Variants in KIF1C observed in about 807,000 individuals in gnomAD.
KIF1C encodes the protein kinesin-like protein KIF1C.
In KIF1C, 61 loss-of-function variants were observed where a neutral mutation model predicts 126.5. The ratio of observed to expected loss-of-function variants is 0.48; its 90% CI spans 0.39 to 0.60. The LOEUF (loss-of-function observed/expected upper bound fraction) is 0.60. Ranked by LOEUF, KIF1C falls within the 20% of genes least tolerant of loss-of-function variation. KIF1C has a pLI of 0.00. For synonymous variants in KIF1C, 640 were observed against 580.6 expected (o/e 1.10, Z -1.47); for missense variants, 1,315 against 1,489.2 (o/e 0.88, Z 1.93).
At chr17:5,004,146 C>T in intron 11 of KIF1C, 73 bp downstream of exon 11, 2 of 1,086,318 alleles carry the variant, frequency 1.8e-6, no homozygotes, top group Admixed American at 1.7e-5. Context: ...CTGACAAATC[C>T]CCTTGCTATG....
chr17:5,012,101 C>G (rs947158378), intron 16 of KIF1C: 1 of 152,224 alleles, frequency 6.6e-6, no homozygotes, highest in Non-Finnish European at 1.5e-5. Context: ...CCGTTTCCCA[C>G]TTGTAATGGT....
Position 5,006,904 on chromosome 17 carries a change from C to T in KIF1C, c.1166-11C>T. On this transcript the variant is annotated splice_polypyrimidine_tract_variant and intron_variant, in intron 13 of 22. Coordinates refer to ENST00000320785, the MANE Select transcript of KIF1C (RefSeq NM_006612.6). Reference sequence around the variant, plus strand: ...CTTAGCCTCATTCTTTTTCCTCTTTCTCCCTCCCAGGCCTGAAGACGGAAG... The same window carrying T: ...CTTAGCCTCATTCTTTTTCCTCTTTTTCCCTCCCAGGCCTGAAGACGGAAG... The T allele has an allele frequency of 1.2e-6, 2 of 1,611,338 alleles. No homozygotes were observed. The highest frequency in any genetic ancestry group is 1.7e-6 in the Non-Finnish European group (2 of 1,179,284).
rs1975125378 is a variant in KIF1C at position 5,022,911 on chromosome 17, C to G, written c.2628+202C>G. ...TTAAAATAGATTCCCGGGTTCCACC[C>G]CAGACCTACTGAATCCACATCTTTG... On this transcript the variant is annotated intron_variant, in intron 22 of 22. Coordinates refer to ENST00000320785, the MANE Select transcript of KIF1C (RefSeq NM_006612.6). The surrounding 1 kb of genome is among the most constrained non-coding windows in gnomAD (Gnocchi z 4.9). 1.3e-5 allele frequency among the ~76,000 whole-genome samples: 2 copies of G among 152,240 alleles called. No individual in the cohort carries two copies. The highest frequency in any genetic ancestry group is 2.4e-5 in the African/African-American group (1 of 41,460).
chr17:5,001,418 G>T lies in KIF1C; in HGVS notation c.363+17G>T. On this transcript the variant is annotated intron_variant, in intron 5 of 22. Coordinates refer to ENST00000320785, the MANE Select transcript of KIF1C (RefSeq NM_006612.6). The stretch of plus-strand genomic sequence containing the variant: ...GTGCCCCAGGTACGCCTAGGACCTG[G>T]TGGGGCAGCCAGGGCAGGAGCATCT... The T allele has an allele frequency of 6.2e-7, 1 of 1,611,922 alleles. No individual in the cohort carries two copies. Among genetic ancestry groups the T allele is most frequent in the Admixed American group, 1.7e-5 (1 of 59,880 alleles).
In KIF1C at chr17:5,000,818, C is replaced by A; in HGVS notation, c.153C>A (p.Thr51=). ...GCAAGGATGCCCCCAAAAGCTTCAC[C>A]TTTGACTACTCCTACTGGTCACACA... ...KQSKDAPKSF[T]FDYSYWSHTS... Residue 51 remains threonine, a synonymous_variant, in exon 4 of 23, where the codon ACC becomes ACA. Transcript: ENST00000320785. 9 of 1,614,058 alleles carry A rather than the reference C, an allele frequency of 5.6e-6. No individual in the cohort carries two copies. The highest frequency in any genetic ancestry group is 7.6e-6 in the Non-Finnish European group (9 of 1,179,976).
chr17:5,002,336 C>T (rs1974615912), intron 6 of KIF1C, 128 bp from the exon 7 acceptor site: 2 of 1,009,300 alleles, frequency 2.0e-6, no homozygotes, highest in South Asian at 3.0e-5. Context: ...GCTGAGCTAG[C>T]ATCTGCAGAA....
chr17:5,020,632 C>T lies in KIF1C; in HGVS notation c.1891C>T (p.Leu631=). Residue 631 remains leucine, a synonymous_variant, in exon 20 of 23, where the codon CTG becomes TTG. Coordinates refer to ENST00000320785, the MANE Select transcript of KIF1C (RefSeq NM_006612.6). The surrounding 1 kb of genome is among the most constrained non-coding windows in gnomAD (Gnocchi z 5.8). ...CGACTGGAACTTTGCCCAGAAGGAA[C>T]TGCTGGAGCAGCAAGGCATCGACAT... ...PVDWNFAQKE[L]LEQQGIDIKL... is the part of the protein sequence containing the mutation. The T allele has an allele frequency of 6.2e-7, 1 of 1,614,214 alleles. No homozygotes were observed. The highest frequency in any genetic ancestry group is 8.5e-7 in the Non-Finnish European group (1 of 1,180,014).
Position 5,022,185 on chromosome 17 carries a change from A to C in KIF1C, c.2104A>C (p.Thr702Pro). 1.9e-6 allele frequency: 3 copies of C among 1,614,062 alleles called. No individual in the cohort carries two copies. Among genetic ancestry groups the C allele is most frequent in the Non-Finnish European group, 2.5e-6 (3 of 1,179,980 alleles). Residue 702 changes from threonine to proline, a missense_variant, in exon 22 of 23, where the codon ACC becomes CCC. Thr to Pro is a conservative substitution (Grantham distance 38, BLOSUM62 -1). Coordinates refer to ENST00000320785, the MANE Select transcript of KIF1C (RefSeq NM_006612.6). The surrounding 1 kb of genome is among the most constrained non-coding windows in gnomAD (Gnocchi z 4.9). ...CTCCTTGCGGGAGCAGCTGCCGCCC[A>C]CCACGGTCCAGACCATTGTCAAACG... ...ISSLREQLPP[T>P]TVQTIVKRCG...
rs1377741617 is a variant in KIF1C, at chr17:5,026,069, T to G, written c.*1918T>G. The G allele has an allele frequency of 6.6e-6, 1 of 152,138 alleles. No homozygotes were observed. Among genetic ancestry groups the G allele is most frequent in the Non-Finnish European group, 1.5e-5 (1 of 68,044 alleles). The allele number at this position is 152,138 out of a possible 1,614,324, so 9.4% of individuals were successfully genotyped here. ...CAGTCTCCAGCCAAAACCATAGATA[T>G]CCCAACTGCAGCCAAACCACGGCTC... On this transcript the variant is annotated 3_prime_UTR_variant, in exon 23 of 23. Transcript: ENST00000320785.
chr17:5,018,764 G>A (rs1317876696), intron 18 of KIF1C, among the ~76,000 whole-genome samples: 1 of 151,924 alleles, frequency 6.6e-6, no homozygotes, highest in Admixed American at 6.6e-5. Context: ...AGATTATCTT[G>A]TTTATTGTCT....
chr17:5,014,704 C>T (rs562185313), intron 17 of KIF1C, 39 bp from the exon 18 acceptor site: 87 of 1,475,278 alleles, frequency 5.9e-5, no homozygotes, highest in Non-Finnish European at 7.8e-5. Context: ...TGGTTAAAGT[C>T]TGGCACATGC....
chr17:4,998,090 C>G lies in KIF1C; in HGVS notation c.-215C>G, dbSNP rs1217816731. Reference sequence around the variant, plus strand: ...ACCGGCCCCAGATCCTTCCCGCTTCCGCCTCACGCTTCCCGGAAAGCTTGT... The same window carrying G: ...ACCGGCCCCAGATCCTTCCCGCTTCGGCCTCACGCTTCCCGGAAAGCTTGT... On this transcript the variant is annotated 5_prime_UTR_variant, in exon 1 of 23. Coordinates refer to ENST00000320785, the MANE Select transcript of KIF1C (RefSeq NM_006612.6). The G allele has an allele frequency of 6.6e-6, 1 of 151,894 alleles. No individual in the cohort carries two copies. Among genetic ancestry groups the G allele is most frequent in the African/African-American group, 2.4e-5 (1 of 41,422 alleles). 9.4% of individuals were successfully genotyped at this position (151,894 alleles called of 1,614,324 possible). A position where few individuals can be genotyped will look rare whatever the true frequency, so the allele number is the denominator to read the frequency against.
intron 13 of KIF1C, 143 bp downstream of exon 13, chr17:5,005,143 T>G (rs1974697909): frequency 9.9e-7 from 1 of 1,010,612 alleles, no homozygotes; most frequent in East Asian, 2.5e-5. Flanking sequence ...GACACAGATG[T>G]GGAGAGGGAA....
At position 5,019,897 on chromosome 17, in the gene KIF1C, A is replaced by G. The variant is rs146009890; in HGVS notation, c.1667-99A>G. ...GTACTGGGGGTGGGACTGGTGGTGC[A>G]TGTGTGGTTTTTTGGGGTAAGGCAA... On this transcript the variant is annotated intron_variant, in intron 18 of 22. Coordinates refer to ENST00000320785, the MANE Select transcript of KIF1C (RefSeq NM_006612.6). 4,846 of 828,922 alleles carry G rather than the reference A, an allele frequency of 5.8e-3. 100 individuals carry two copies. The highest frequency in any genetic ancestry group is 0.045 in the East Asian group (1,694 of 37,508). 51.3% of individuals were successfully genotyped at this position (828,922 alleles called of 1,614,324 possible).
In KIF1C at chr17:5,001,302, C is replaced by A. The variant is rs1220936121; in HGVS notation, c.264C>A (p.Gly88=). Residue 88 remains glycine, a synonymous_variant, in exon 5 of 23, where the codon GGC becomes GGA. Transcript: ENST00000320785. ...AGATGCTGCTCCACGCCTTTGAAGG[C>A]TACAACGTGTGCATCTTTGCCTATG... ...GEEMLLHAFE[G]YNVCIFAYGQ... 1 of 1,614,042 alleles carries A rather than the reference C, an allele frequency of 6.2e-7. No individual in the cohort carries two copies. The highest frequency in any genetic ancestry group is 1.7e-5 in the Admixed American group (1 of 60,002).
chr17:5,002,582 A>C lies in KIF1C; in HGVS notation c.548A>C (p.Lys183Thr), dbSNP rs1974623326. 3.1e-6 allele frequency: 5 copies of C among 1,614,030 alleles called. No individual in the cohort carries two copies. The highest frequency in any genetic ancestry group is 4.2e-6 in the Non-Finnish European group (5 of 1,179,922). The change falls in exon 7 of 23, where the codon AAA (lysine) becomes ACA (threonine). Residue 183 changes from lysine to threonine, a missense_variant. Transcript: ENST00000320785. ...GGCCCGTACGTGCAGGACCTGTCCA[A>C]ATTGGCTGTGACCTCCTACGCAGAC... ...ILGPYVQDLS[K>T]LAVTSYADIA...
intron 17 of KIF1C, chr17:5,014,378 G>A (rs764012728): frequency 2.3e-4 from 49 of 217,160 alleles, no homozygotes; most frequent in Non-Finnish European, 1.3e-4. Context: ...TATGGCTGCT[G>A]AGGGTTAGCC....
intron 18 of KIF1C, among the ~76,000 whole-genome samples, chr17:5,019,030 G>A (rs886784836): frequency 6.6e-6 from 1 of 152,034 alleles, no homozygotes. Context: ...CCACCGTGAT[G>A]CCCTTGGCTG....
chr17:5,018,348 T>TC (rs55699985), intron 18 of KIF1C, among the ~76,000 whole-genome samples: 4 of 151,372 alleles, frequency 2.6e-5, no homozygotes, highest in East Asian at 2.0e-4. Context: ...AATGCCTTTT[T>TC]CCCCCCCTCT....
Sources: allele counts gnomAD v4.1 joint callset (sites outside exome capture counted in the v4.1 genomes callset), GRCh38; gene constraint gnomAD v4.1.1; non-coding constraint Gnocchi (gnomAD v3.1); transcripts MANE v1.5; gene names NCBI Gene and HGNC (gene_info 2026-07-23, HGNC 2026-07-21).